The following ATF7IP2 variants were observed in gnomAD, a reference collection of about 807,000 sequenced individuals.
ATF7IP2 encodes the protein activating transcription factor 7-interacting protein 2.
In ATF7IP2, 42 loss-of-function variants were observed where a neutral mutation model predicts 64.2. The observed-to-expected ratio is 0.65, with a 90% CI of 0.51 to 0.85. The LOEUF is 0.85. Among genes scored for constraint, ATF7IP2 ranks in the 40% least tolerant of loss-of-function variants. ATF7IP2 has a pLI of 0.00. For synonymous variants in ATF7IP2, 308 were observed against 272.8 expected, an observed-to-expected ratio of 1.13 and a Z score of -1.27; for missense variants, 933 against 784.2, an observed-to-expected ratio of 1.19 and a Z score of -2.27.
chr16:10,431,245 T>A lies in ATF7IP2; in HGVS notation c.625T>A (p.Ser209Thr). The change falls in exon 5 of 14, where the codon TCA becomes ACA. Residue 209 changes from serine (S) to threonine (T), a missense_variant. Coordinates refer to ENST00000562102, the MANE Select transcript of ATF7IP2 (RefSeq NM_001393719.1). ...TTTAGAAACAAACTCCAATTCAGAATCACATGATAAAAGGCAAAGTGACAA... is the reference window on the plus strand; with the variant it reads ...TTTAGAAACAAACTCCAATTCAGAAACACATGATAAAAGGCAAAGTGACAA... ...FHLETNSNSESHDKRQSDNIL... is the reference protein window; with the variant it reads ...FHLETNSNSETHDKRQSDNIL... The A allele has an allele frequency of 6.2e-7, 1 of 1,614,098 alleles. No individual in the cohort carries two copies. Among genetic ancestry groups the A allele is most frequent in the Non-Finnish European group, 8.5e-7 (1 of 1,179,972 alleles).
At chr16:10,415,995 TTGG>T (rs1457711056) in intron 2 of ATF7IP2, among the ~76,000 whole-genome samples, 1 of 152,206 alleles carries the variant, frequency 6.6e-6, no homozygotes, top group East Asian at 1.9e-4. Context: ...TTGTACATTG[TTGG>T]TGGGGATGTA....
At chr16:10,441,019 G>GTGTTA (rs1359535884) in intron 8 of ATF7IP2, among the ~76,000 whole-genome samples, 1 of 152,126 alleles carries the variant, frequency 6.6e-6, no homozygotes, top group Non-Finnish European at 1.5e-5. Flanking sequence ...TTCTGTTCTC[G>GTGTTA]TGTTAGTTTG....
chr16:10,477,221 A>T (rs1467058266), intron 12 of ATF7IP2, among the ~76,000 whole-genome samples: 1 of 152,252 alleles, frequency 6.6e-6, no homozygotes, highest in African/African-American at 2.4e-5. Context: ...CCCAGAATCT[A>T]CAAGGAACTT....
intron 4 of ATF7IP2, 156 bp from the exon 5 acceptor site, chr16:10,430,455 A>T (rs183520132): frequency 1.8e-6 from 1 of 565,010 alleles, no homozygotes; most frequent in East Asian, 2.9e-5. Context: ...TTTCAGTGTC[A>T]TGAAAATGGA....
chr16:10,397,085 A>C (rs184844828), intron 1 of ATF7IP2, among the ~76,000 whole-genome samples: 3 of 152,218 alleles, frequency 2.0e-5, no homozygotes, highest in Non-Finnish European at 4.4e-5. Flanking sequence ...CAAAGCAACT[A>C]TTCTTTCCAA....
intron 1 of ATF7IP2, chr16:10,387,736 G>A (rs6497956): frequency 0.55 from 83,347 of 151,458 alleles, 23,049 homozygotes; most frequent in East Asian, 0.68. Flanking sequence ...AACTTTAAAT[G>A]CGCAAGAGTA....
At chr16:10,425,052 A>G (rs928198670) in intron 3 of ATF7IP2, among the ~76,000 whole-genome samples, 1 of 149,170 alleles carries the variant, frequency 6.7e-6, no homozygotes, top group Admixed American at 6.7e-5. Flanking sequence ...TGTTTATATC[A>G]GATTTTTTTT....
At chr16:10,409,513 CT>C (rs560403480) in intron 1 of ATF7IP2, among the ~76,000 whole-genome samples, 4 of 148,178 alleles carry the variant, frequency 2.7e-5, no homozygotes, top group Admixed American at 6.7e-5. Flanking sequence ...TTTATTGAGA[CT>C]TTTTTTTTAA....
intron 3 of ATF7IP2, among the ~76,000 whole-genome samples, chr16:10,422,845 A>C (rs959634800): frequency 2.6e-5 from 4 of 152,178 alleles, no homozygotes; most frequent in Non-Finnish European, 5.9e-5. Context: ...TGCGCTATAC[A>C]CGCTCCTGGC....
chr16:10,427,192 T>G (rs2048103038), intron 3 of ATF7IP2, among the ~76,000 whole-genome samples: 1 of 151,892 alleles, frequency 6.6e-6, no homozygotes, highest in African/African-American at 2.4e-5. Context: ...GCTTTGAAAA[T>G]GAAAGAGGAA....
At chr16:10,409,127 G>C (rs1173690366) in intron 1 of ATF7IP2, among the ~76,000 whole-genome samples, 1 of 152,094 alleles carries the variant, frequency 6.6e-6, no homozygotes, top group Non-Finnish European at 1.5e-5. Flanking sequence ...GGGGTAGGCG[G>C]GTCAGACTGC....
At chr16:10,452,133 C>A (rs1014485340) in intron 8 of ATF7IP2, among the ~76,000 whole-genome samples, 1 of 152,180 alleles carries the variant, frequency 6.6e-6, no homozygotes, top group Non-Finnish European at 1.5e-5. Flanking sequence ...ACTTGTCACC[C>A]TCATTCTCCG....
chr16:10,446,453 T>C, intron 8 of ATF7IP2: 1 of 152,210 alleles, frequency 6.6e-6, no homozygotes, highest in Middle Eastern at 3.2e-3. Flanking sequence ...ACTTGTTCCC[T>C]CCAGTCTTTA....
chr16:10,433,561 A>T lies in ATF7IP2; in HGVS notation c.872A>T (p.Glu291Val), dbSNP rs774180158. 2 of 1,613,220 alleles carry T rather than the reference A, an allele frequency of 1.2e-6. No homozygotes were observed. The highest frequency in any genetic ancestry group is 1.7e-6 in the Non-Finnish European group (2 of 1,179,284). The change falls in exon 6 of 14, where the codon GAG (glutamate) becomes GTG (valine). Residue 291 changes from glutamate to valine, a missense_variant. Physicochemically the swap from Glu to Val is moderately radical, Grantham distance 121 (BLOSUM62 -2). Transcript: ENST00000562102. Reference sequence around the variant, plus strand: ...AAGAAGAGGATGTTTTCAGAAAACGAGGAAAATGTTAAACGCATGAAAACT... The same window carrying T: ...AAGAAGAGGATGTTTTCAGAAAACGTGGAAAATGTTAAACGCATGAAAACT... ...YQKKRMFSEN[E>V]ENVKRMKTSE... is the part of the protein sequence containing the mutation.
intron 9 of ATF7IP2, among the ~76,000 whole-genome samples, chr16:10,469,643 C>T (rs1318290989): frequency 5.3e-5 from 8 of 152,002 alleles, no homozygotes; most frequent in Admixed American, 2.6e-4. Flanking sequence ...AGCATTGTGG[C>T]GCATGCCTGT....
At chr16:10,392,650 C>T (rs964157583) in intron 1 of ATF7IP2, among the ~76,000 whole-genome samples, 1 of 151,970 alleles carries the variant, frequency 6.6e-6, no homozygotes, top group Non-Finnish European at 1.5e-5. Context: ...ATAAAATAGA[C>T]CCATCTCTCA....
intron 1 of ATF7IP2, among the ~76,000 whole-genome samples, chr16:10,410,316 T>A (rs541182370): frequency 0.014 from 68 of 4,804 alleles, no homozygotes; most frequent in African/African-American, 0.043. Context: ...TCCTAAGTTT[T>A]GTTTTGTTTT....
intron 8 of ATF7IP2, among the ~76,000 whole-genome samples, chr16:10,451,019 A>C (rs891268050): frequency 3.3e-5 from 5 of 152,186 alleles, no homozygotes; most frequent in African/African-American, 1.2e-4. Flanking sequence ...GGTGGTGACA[A>C]AATGTCTCAG....
chr16:10,403,216 A>C (rs2047569413), intron 1 of ATF7IP2, among the ~76,000 whole-genome samples: 1 of 152,146 alleles, frequency 6.6e-6, no homozygotes, highest in African/African-American at 2.4e-5. Context: ...TTATTACAAT[A>C]TGTGACACAT....
Sources: allele counts gnomAD v4.1 joint callset (sites outside exome capture counted in the v4.1 genomes callset), GRCh38; gene constraint gnomAD v4.1.1; transcripts MANE v1.5; gene names NCBI Gene and HGNC (gene_info 2026-07-23, HGNC 2026-07-21).